The following EYS variants were observed in gnomAD, a reference collection of about 807,000 sequenced individuals.
EYS encodes protein eyes shut homolog.
In EYS, 250 loss-of-function variants were observed where a neutral mutation model predicts 282.1. That is an observed-to-expected ratio of 0.89 (90% CI 0.80 to 0.98). The LOEUF is 0.98. Among genes scored for constraint, EYS ranks in the 50% least tolerant of loss-of-function variants. The pLI is 0.00. For missense variants in EYS, 4,016 were observed against 3,709.0 expected (o/e 1.08, Z -2.15); for synonymous variants, 1,355 against 1,282.9 (o/e 1.06, Z -1.20).
intron 5 of EYS, among the ~76,000 whole-genome samples, chr6:65,459,809 A>C (rs947987854): frequency 6.6e-6 from 1 of 150,880 alleles, no homozygotes; most frequent in Non-Finnish European, 1.5e-5. Flanking sequence ...ATATATTTAC[A>C]GTCATAGTAT....
chr6:65,044,617 G>A (rs921026473), intron 13 of EYS, among the ~76,000 whole-genome samples: 3 of 151,754 alleles, frequency 2.0e-5, no homozygotes, highest in Non-Finnish European at 4.4e-5. Context: ...AAGCAATGAT[G>A]TTATTTATTA....
intron 31 of EYS, among the ~76,000 whole-genome samples, chr6:64,150,941 G>C (rs1041493427): frequency 6.6e-6 from 1 of 151,982 alleles, no homozygotes; most frequent in Non-Finnish European, 1.5e-5. Context: ...ACTTTTTATA[G>C]GAATACCAAT....
chr6:65,443,805 A>G (rs1386852250), intron 5 of EYS, among the ~76,000 whole-genome samples: 1 of 151,868 alleles, frequency 6.6e-6, no homozygotes, highest in East Asian at 1.9e-4. Flanking sequence ...TTATGTACAC[A>G]TATATGTAGT....
chr6:65,446,470 T>C (rs769702310), intron 5 of EYS, among the ~76,000 whole-genome samples: 4 of 151,868 alleles, frequency 2.6e-5, no homozygotes, highest in Admixed American at 1.3e-4. Flanking sequence ...TACAATCCTC[T>C]GTTTTCATGA....
chr6:65,074,037 GTAGTTA>G (rs1309620165), intron 12 of EYS, among the ~76,000 whole-genome samples: 1 of 151,930 alleles, frequency 6.6e-6, no homozygotes, highest in African/African-American at 2.4e-5. Flanking sequence ...CCCCTAGGTG[GTAGTTA>G]TAAGAGTGCA....
chr6:65,038,543 C>T (rs184532469), intron 13 of EYS, among the ~76,000 whole-genome samples: 1 of 151,324 alleles, frequency 6.6e-6, no homozygotes, highest in African/African-American at 2.4e-5. Context: ...TATAAACATG[C>T]TTGTAAATGA....
intron 41 of EYS, among the ~76,000 whole-genome samples, chr6:63,750,011 C>A (rs1027665460): frequency 7.2e-5 from 11 of 152,188 alleles, no homozygotes; most frequent in African/African-American, 2.4e-4. Context: ...TTGCCAATTC[C>A]TTCTCCTGTC....
intron 16 of EYS, among the ~76,000 whole-genome samples, chr6:64,905,767 T>C (rs1767809297): frequency 6.6e-6 from 1 of 152,158 alleles, no homozygotes; most frequent in African/African-American, 2.4e-5. Flanking sequence ...GAAATTTTCA[T>C]AAAAATCATT....
rs1326635278 is a variant in EYS at position 63,721,486 on chromosome 6, G to A, written c.8545C>T (p.Arg2849Ter). Residue 2849 changes from arginine to a stop codon, truncating the protein, a stop_gained, in exon 43 of 43, where the codon CGA becomes TGA. Coordinates refer to ENST00000503581, the MANE Select transcript of EYS (RefSeq NM_001142800.2). LOFTEE classifies it low-confidence loss of function (END_TRUNC). ...NEPVGFQGCI[R>*]QVIINNQELQ... is the part of the protein sequence containing the mutation. ...TCTTGATTATTTATGATAACTTGTC[G>A]GATACAGCCTTGAAAACCTACAGGT... The A allele has an allele frequency of 3.9e-6, 6 of 1,551,162 alleles. No homozygotes were observed. Among genetic ancestry groups the A allele is most frequent in the East Asian group, 2.4e-5 (1 of 40,924 alleles).
intron 30 of EYS, among the ~76,000 whole-genome samples, chr6:64,281,742 C>T (rs901993584): frequency 6.6e-6 from 1 of 151,962 alleles, no homozygotes; most frequent in African/African-American, 2.4e-5. Flanking sequence ...TAAAAATCAT[C>T]TGGATTTTTC....
chr6:65,155,859 G>A (rs556406155), intron 12 of EYS, among the ~76,000 whole-genome samples: 34 of 151,576 alleles, frequency 2.2e-4, no homozygotes, highest in African/African-American at 8.0e-4. Flanking sequence ...CCAAAGGCAG[G>A]AAATGCCACT....
chr6:64,629,984 G>T (rs1359694536), intron 22 of EYS, among the ~76,000 whole-genome samples: 1 of 152,166 alleles, frequency 6.6e-6, no homozygotes, highest in East Asian at 1.9e-4. Flanking sequence ...AAATCTGAAG[G>T]AGAAAGGGTT....
intron 26 of EYS, among the ~76,000 whole-genome samples, chr6:64,562,487 T>A (rs73764806): frequency 0.03 from 4,620 of 152,036 alleles, 157 homozygotes; most frequent in East Asian, 0.11. Flanking sequence ...CTTTTAAATA[T>A]TCAATAATAC....
At chr6:65,174,144 G>A (rs1425693988) in intron 12 of EYS, among the ~76,000 whole-genome samples, 1 of 151,180 alleles carries the variant, frequency 6.6e-6, no homozygotes, top group Non-Finnish European at 1.5e-5. Flanking sequence ...AAACCCAACA[G>A]ATGGTAAATC....
intron 19 of EYS, among the ~76,000 whole-genome samples, chr6:64,831,001 C>T (rs139477979): frequency 2.0e-5 from 3 of 152,070 alleles, no homozygotes; most frequent in South Asian, 2.1e-4. Flanking sequence ...TATGAAGGGG[C>T]CATCCCCACT....
intron 2 of EYS, among the ~76,000 whole-genome samples, chr6:65,581,376 C>T (rs373046164): frequency 1.3e-4 from 20 of 151,902 alleles, no homozygotes; most frequent in East Asian, 7.7e-4. Context: ...AAAATTAATG[C>T]TATATTTGCT....
intron 30 of EYS, among the ~76,000 whole-genome samples, chr6:64,247,323 C>T (rs1767053070): frequency 6.6e-6 from 1 of 152,130 alleles, no homozygotes; most frequent in African/African-American, 2.4e-5. Flanking sequence ...AAGACAAATG[C>T]AACTCTGTCT....
chr6:64,542,525 T>A (rs1401354031), intron 26 of EYS, among the ~76,000 whole-genome samples: 2 of 152,088 alleles, frequency 1.3e-5, no homozygotes, highest in African/African-American at 4.8e-5. Flanking sequence ...CTAAGATTTA[T>A]TGCCAGATAT....
Position 65,679,803 on chromosome 6 carries a change from A to T in EYS, c.-448+27332T>A, listed in dbSNP as rs114784542. On this transcript the variant is annotated intron_variant, in intron 1 of 42. Transcript: ENST00000503581. ...CTGCATCCTGAAATATTTATGAATT[A>T]TTTGAGATCATGTTGTAATCTGTTA... Among the ~76,000 whole-genome samples, 750 of 152,062 alleles carry T rather than the reference A, an allele frequency of 4.9e-3. 6 individuals are homozygous for T. Among genetic ancestry groups the T allele is most frequent in the African/African-American group, 0.017 (707 of 41,548 alleles).
Sources: gnomAD v4.1 joint callset for allele counts (sites outside exome capture counted in the v4.1 genomes callset) on GRCh38, gnomAD v4.1.1 for gene constraint, MANE v1.5 for transcripts, NCBI Gene and HGNC (gene_info 2026-07-23, HGNC 2026-07-21) for gene names.